The following GNG12 variants were observed in gnomAD, a reference collection of about 807,000 sequenced individuals.
GNG12 encodes the protein guanine nucleotide-binding protein G(I)/G(S)/G(O) subunit gamma-12.
For synonymous variants in GNG12, 28 were observed against 29.7 expected (o/e 0.94, Z 0.19); for missense variants, 69 against 83.8 (o/e 0.82, Z 0.69).
chr1:67,809,622 C>T (rs576201663), intron 1 of GNG12, among the ~76,000 whole-genome samples: 3 of 152,198 alleles, frequency 2.0e-5, no homozygotes, highest in Admixed American at 6.6e-5. Context: ...TCAAAAGTGA[C>T]CTGAACATAT....
intron 2 of GNG12, among the ~76,000 whole-genome samples, chr1:67,766,029 T>C (rs1487406112): frequency 6.6e-6 from 1 of 152,034 alleles, no homozygotes; most frequent in Non-Finnish European, 1.5e-5. Context: ...TTTTATTCTT[T>C]ATAGCTATAA....
At chr1:67,723,674 T>C (rs1003853922) in intron 2 of GNG12, among the ~76,000 whole-genome samples, 2 of 152,158 alleles carry the variant, frequency 1.3e-5, no homozygotes, top group African/African-American at 4.8e-5. Context: ...TCTTCCTAGT[T>C]TAGAATTAAG....
intron 2 of GNG12, among the ~76,000 whole-genome samples, chr1:67,739,413 C>A (rs1454824464): frequency 6.6e-6 from 1 of 152,198 alleles, no homozygotes; most frequent in Non-Finnish European, 1.5e-5. Context: ...ATGATCTTCA[C>A]TCAATTTAAG....
chr1:67,821,481 G>A (rs1245458053), intron 1 of GNG12, among the ~76,000 whole-genome samples: 1 of 152,188 alleles, frequency 6.6e-6, no homozygotes, highest in African/African-American at 2.4e-5. Flanking sequence ...CAAAGAGCCG[G>A]AGGCCCTCAT....
intron 2 of GNG12, among the ~76,000 whole-genome samples, chr1:67,732,581 T>C (rs560072328): frequency 2.6e-5 from 4 of 152,368 alleles, no homozygotes; most frequent in South Asian, 2.1e-4. Flanking sequence ...GCAGGTCCCA[T>C]AGCTCACTAC....
intron 1 of GNG12, among the ~76,000 whole-genome samples, chr1:67,795,326 C>A (rs1646824684): frequency 6.6e-6 from 1 of 152,216 alleles, no homozygotes; most frequent in African/African-American, 2.4e-5. Context: ...GGACACCATG[C>A]CTGCAAGATG....
At chr1:67,720,362 A>ATCCAGT (rs1646350046) in intron 2 of GNG12, among the ~76,000 whole-genome samples, 1 of 152,236 alleles carries the variant, frequency 6.6e-6, no homozygotes, top group Admixed American at 6.5e-5. Context: ...CTGGACCAGA[A>ATCCAGT]TCCAGTAACA....
rs968223626 is a variant in GNG12 at position 67,703,699 on chromosome 1, A to C, written c.*1752T>G. The C allele has an allele frequency of 6.6e-5, 10 of 152,338 alleles. No homozygotes were observed. The highest frequency in any genetic ancestry group is 1.0e-4 in the Non-Finnish European group (7 of 68,030). 9.4% of individuals were successfully genotyped at this position (152,338 alleles called of 1,614,324 possible). A position where few individuals can be genotyped will look rare whatever the true frequency, so the allele number is the denominator to read the frequency against. On this transcript the variant is annotated 3_prime_UTR_variant, in exon 4 of 4. Transcript: ENST00000370982. ...GGCTAAGGGCAGTGCCGTGATTTTC[A>C]CATGGCCTTAGAAAAGCGAGGGGCA...
At chr1:67,706,641 T>TTTTTTC (rs1646249537) in intron 3 of GNG12, among the ~76,000 whole-genome samples, 2 of 132,334 alleles carry the variant, frequency 1.5e-5, no homozygotes, top group African/African-American at 2.7e-5. Flanking sequence ...CTTCAGTTTC[T>TTTTTTC]TTTTTCTTTT....
At chr1:67,795,058 T>G (rs1412629586) in intron 1 of GNG12, among the ~76,000 whole-genome samples, 1 of 152,250 alleles carries the variant, frequency 6.6e-6, no homozygotes, top group East Asian at 1.9e-4. Context: ...TCCTAGAACC[T>G]AGTCTACAAG....
At position 67,815,309 on chromosome 1, in the gene GNG12, T is replaced by C. The variant is rs184668815; in HGVS notation, c.-77+18035A>G. ...TGCTGGATATAAAGCAAAATTAATG[T>C]TGACCACTAAAGCCATTTCTAGTCA... is the stretch of plus-strand genomic sequence containing the variant. On this transcript the variant is annotated intron_variant, in intron 1 of 3. Coordinates refer to ENST00000370982, the MANE Select transcript of GNG12 (RefSeq NM_018841.6). 4.6e-5 allele frequency among the ~76,000 whole-genome samples: 7 copies of C among 152,334 alleles called. No individual in the cohort carries two copies. The East Asian group carries it at 1.3e-3, about 29-fold the overall frequency.
At chr1:67,790,610 CTTTTT>C (rs34333997) in intron 1 of GNG12, among the ~76,000 whole-genome samples, 1 of 125,380 alleles carries the variant, frequency 8.0e-6, no homozygotes. Flanking sequence ...TAGTTTATTC[CTTTTT>C]TTTTTTTTTT....
chr1:67,797,159 C>T (rs1157327113), intron 1 of GNG12, among the ~76,000 whole-genome samples: 3 of 152,168 alleles, frequency 2.0e-5, no homozygotes, highest in Non-Finnish European at 2.9e-5. Flanking sequence ...ATCAGATAGT[C>T]AGCTTCCTAC....
chr1:67,763,716 G>A (rs560122494), intron 2 of GNG12, among the ~76,000 whole-genome samples: 9 of 152,012 alleles, frequency 5.9e-5, no homozygotes, highest in Non-Finnish European at 1.2e-4. Flanking sequence ...GAGAATTTTA[G>A]GTTGTTTTTA....
At chr1:67,716,595 C>T (rs1030182519) in intron 2 of GNG12, among the ~76,000 whole-genome samples, 1 of 152,146 alleles carries the variant, frequency 6.6e-6, no homozygotes, top group Non-Finnish European at 1.5e-5. Context: ...CTCAGGGCTA[C>T]CTGGCTCTCA....
intron 2 of GNG12, among the ~76,000 whole-genome samples, chr1:67,740,170 G>C (rs979936260): frequency 1.3e-5 from 2 of 152,146 alleles, no homozygotes; most frequent in Non-Finnish European, 2.9e-5. Flanking sequence ...TACTCACAGA[G>C]TATATAAGAT....
At chr1:67,786,742 T>G (rs2100776889) in intron 1 of GNG12, among the ~76,000 whole-genome samples, 2 of 151,880 alleles carry the variant, frequency 1.3e-5, no homozygotes, top group South Asian at 2.1e-4. Context: ...GGCAACATAG[T>G]GAAACCCCAT....
chr1:67,753,899 C>T (rs147078904), intron 2 of GNG12, among the ~76,000 whole-genome samples: 184 of 152,132 alleles, frequency 1.2e-3, no homozygotes, highest in African/African-American at 4.3e-3. Flanking sequence ...AGGTGGCGGG[C>T]GTTAAGTGTG....
intron 2 of GNG12, among the ~76,000 whole-genome samples, chr1:67,769,291 G>A (rs1316823218): frequency 1.3e-5 from 2 of 152,142 alleles, no homozygotes; most frequent in African/African-American, 4.8e-5. Flanking sequence ...ACATCACAGT[G>A]GTCCAACCAC....
Sources: allele counts gnomAD v4.1 joint callset (sites outside exome capture counted in the v4.1 genomes callset), GRCh38; gene constraint gnomAD v4.1.1; transcripts MANE v1.5; gene names NCBI Gene and HGNC (gene_info 2026-07-23, HGNC 2026-07-21).